Variants in LRP1B observed in about 807,000 individuals in gnomAD.
LRP1B encodes LDL receptor related protein 1B, also known as low-density lipoprotein receptor-related protein 1B.
In LRP1B, 217 loss-of-function variants were observed where a neutral mutation model predicts 556.6. The observed-to-expected ratio is 0.39, with a 90% CI of 0.35 to 0.44. The LOEUF is 0.44. Among genes scored for constraint, LRP1B ranks in the 20% least tolerant of loss-of-function variants. The pLI is 1.00. For missense variants in LRP1B, 5,053 were observed against 5,620.8 expected (o/e 0.90, Z 3.23); for synonymous variants, 2,047 against 1,865.8 (o/e 1.10, Z -2.50).
intron 6 of LRP1B, among the ~76,000 whole-genome samples, chr2:141,202,892 C>T (rs889096412): frequency 3.9e-5 from 6 of 151,998 alleles, no homozygotes; most frequent in Non-Finnish European, 5.9e-5. Context: ...CCCCACCCCC[C>T]GACAGGCCCT....
rs769102197 is a variant in LRP1B, at chr2:140,250,240, A to G, written c.13248-3078T>C. Among the ~76,000 whole-genome samples the G allele has an allele frequency of 9.1e-4, 138 of 151,854 alleles. 1 individual carries two copies. Among genetic ancestry groups the G allele is most frequent in the Admixed American group, 2.1e-3 (32 of 15,188 alleles). ...TCCCACTGCCCTTAGTCTTAGGACC[A>G]TAAAAATCAGCTTTATCTTATGTGC... On this transcript the variant is annotated intron_variant, in intron 86 of 90. Coordinates refer to ENST00000389484, the MANE Select transcript of LRP1B (RefSeq NM_018557.3).
At chr2:141,291,855 C>CAAAAAAAAAA (rs143819331) in intron 3 of LRP1B, among the ~76,000 whole-genome samples, 35 of 99,308 alleles carry the variant, frequency 3.5e-4, no homozygotes, top group African/African-American at 5.0e-4. Flanking sequence ...GACTCTGTCT[C>CAAAAAAAAAA]AAAAAAAAAA....
chr2:141,994,316 T>G (rs1702427952), intron 1 of LRP1B, among the ~76,000 whole-genome samples: 1 of 152,194 alleles, frequency 6.6e-6, no homozygotes, highest in African/African-American at 2.4e-5. Flanking sequence ...ATTCATCTCA[T>G]AATAAAAATT....
chr2:140,745,090 C>T (rs1427792365), intron 35 of LRP1B, among the ~76,000 whole-genome samples: 1 of 152,106 alleles, frequency 6.6e-6, no homozygotes, highest in Non-Finnish European at 1.5e-5. Context: ...AACAAAGCAA[C>T]CAGACATGTC....
chr2:141,430,745 C>T (rs1403557430), intron 3 of LRP1B, among the ~76,000 whole-genome samples: 1 of 151,926 alleles, frequency 6.6e-6, no homozygotes. Context: ...CTAAAAAGCC[C>T]TTGCCTTTTG....
chr2:140,659,976 T>C (rs1470358046), intron 41 of LRP1B, among the ~76,000 whole-genome samples: 1 of 152,094 alleles, frequency 6.6e-6, no homozygotes, highest in Non-Finnish European at 1.5e-5. Context: ...ATTTTTGTTT[T>C]CAGGCAATAT....
At chr2:141,520,946 T>A (rs561888975) in intron 2 of LRP1B, among the ~76,000 whole-genome samples, 1 of 147,818 alleles carries the variant, frequency 6.8e-6, no homozygotes, top group South Asian at 2.1e-4. Flanking sequence ...TTCTCCTTAC[T>A]TTTTTTGGTC....
intron 11 of LRP1B, among the ~76,000 whole-genome samples, chr2:141,022,290 A>AT (rs147577398): frequency 0.13 from 19,185 of 150,620 alleles, 1,414 homozygotes; most frequent in East Asian, 0.23. Context: ...TTGTGCTTTG[A>AT]TTTTTTTTTC....
intron 3 of LRP1B, among the ~76,000 whole-genome samples, chr2:141,477,136 AC>A (rs1345399974): frequency 7.2e-4 from 79 of 108,978 alleles, no homozygotes; most frequent in Admixed American, 2.0e-3. Context: ...AAACAAACAA[AC>A]AAACAAAAAA....
chr2:141,500,594 T>C (rs1683679386), intron 2 of LRP1B, among the ~76,000 whole-genome samples: 1 of 152,080 alleles, frequency 6.6e-6, no homozygotes, highest in Non-Finnish European at 1.5e-5. Context: ...AATTCAGAAA[T>C]ATTTGTCTCA....
intron 3 of LRP1B, among the ~76,000 whole-genome samples, chr2:141,451,108 C>T (rs575357288): frequency 3.1e-4 from 47 of 152,172 alleles, no homozygotes; most frequent in African/African-American, 7.7e-4. Flanking sequence ...GATACTGGGA[C>T]GACTGAGGCT....
chr2:140,518,390 A>T (rs1396080820), intron 49 of LRP1B, among the ~76,000 whole-genome samples: 1 of 152,188 alleles, frequency 6.6e-6, no homozygotes, highest in Non-Finnish European at 1.5e-5. Context: ...TACCAAATAT[A>T]AAAGTTGTGA....
chr2:141,795,958 C>A (rs1695799118), intron 2 of LRP1B, among the ~76,000 whole-genome samples: 1 of 138,372 alleles, frequency 7.2e-6, no homozygotes, highest in Non-Finnish European at 1.5e-5. Context: ...ACAAAGGATG[C>A]AACTCACAGT....
Position 140,700,257 on chromosome 2 carries a change from A to T in LRP1B, c.6792T>A (p.Ile2264=), listed in dbSNP as rs775856724. ...IKDNWEDRQV[I]VENVGSVEGL... is the part of the protein sequence containing the mutation. ...TTGAATTACTGTACTTACTTTCAAC[A>T]ATTACTTGTCTGTCTTCCCAGTTGT... Residue 2264 remains isoleucine (I), a synonymous_variant, in exon 41 of 91, where the codon ATT becomes ATA. Coordinates refer to ENST00000389484, the MANE Select transcript of LRP1B (RefSeq NM_018557.3). 55 of 1,609,386 alleles carry T rather than the reference A, an allele frequency of 3.4e-5. 1 individual carries two copies. The South Asian group carries it at 5.7e-4, about 17-fold the overall frequency.
intron 14 of LRP1B, among the ~76,000 whole-genome samples, chr2:141,010,951 G>GGTGTGT (rs71995663): frequency 2.8e-4 from 41 of 144,664 alleles, no homozygotes; most frequent in Admixed American, 9.8e-4. Context: ...CTTGTCAGAT[G>GGTGTGT]GTGTGTGTGT....
At chr2:142,128,877 G>C (rs1464577228) in intron 1 of LRP1B, among the ~76,000 whole-genome samples, 1 of 152,102 alleles carries the variant, frequency 6.6e-6, no homozygotes, top group Non-Finnish European at 1.5e-5. Context: ...GAAGAAAGTT[G>C]TGGGGTCTGT....
At chr2:141,885,720 T>A (rs1409039324) in intron 1 of LRP1B, among the ~76,000 whole-genome samples, 2 of 152,188 alleles carry the variant, frequency 1.3e-5, no homozygotes, top group African/African-American at 4.8e-5. Flanking sequence ...TTTGAAAACC[T>A]AGGGGACAGG....
chr2:141,539,646 T>C (rs12691615), intron 2 of LRP1B, among the ~76,000 whole-genome samples: 148,056 of 152,202 alleles, frequency 0.97, 72,142 homozygotes, highest in East Asian at 1. Flanking sequence ...ACAACTTCCT[T>C]GAAAGATTCA....
At chr2:140,702,583 T>C (rs1422668319) in intron 37 of LRP1B, 30 bp from the exon 38 acceptor site, 6 of 1,606,726 alleles carry the variant, frequency 3.7e-6, no homozygotes, top group Non-Finnish European at 5.1e-6. Flanking sequence ...TTGTAGTGTT[T>C]ATGTACATTT....
Sources: allele counts gnomAD v4.1 joint callset (sites outside exome capture counted in the v4.1 genomes callset), GRCh38; gene constraint gnomAD v4.1.1; transcripts MANE v1.5; gene names NCBI Gene and HGNC (gene_info 2026-07-23, HGNC 2026-07-21).